XIAP: variants seen among roughly 807,000 people sequenced by gnomAD.
XIAP encodes the protein X-linked inhibitor of apoptosis, also known as E3 ubiquitin-protein ligase XIAP.
In XIAP, 3 loss-of-function variants were observed where a neutral mutation model predicts 33.1. The ratio of observed to expected loss-of-function variants is 0.09; its 90% CI spans 0.04 to 0.23. The LOEUF (loss-of-function observed/expected upper bound fraction) is 0.23, where lower values mean the gene tolerates loss of function less well. Ranked by LOEUF, XIAP falls within the 10% of genes least tolerant of loss-of-function variation. XIAP has a pLI of 1.00. For synonymous variants in XIAP, 98 were observed against 121.3 expected, an observed-to-expected ratio of 0.81 and a Z score of 1.26; for missense variants, 264 against 363.0, an observed-to-expected ratio of 0.73 and a Z score of 2.22.
At chrX:123,863,523 T>C (rs1220925639) in intron 1 of XIAP, among the ~76,000 whole-genome samples, 3 of 111,518 alleles carry the variant, frequency 2.7e-5, no homozygotes, top group African/African-American at 9.8e-5. Context: ...TTTGTTTTTG[T>C]TTTGAGATGG....
At chrX:123,891,360 TATA>T (rs771882571) in intron 4 of XIAP, 44 bp downstream of exon 4, 50 of 645,293 alleles carry the variant, frequency 7.7e-5, no homozygotes, top group Non-Finnish European at 1.0e-4. Context: ...CATTTCAAAT[TATA>T]ATTTATATTT....
rs967708017 is a variant in XIAP at position 123,909,326 on chromosome X, C to T, written c.*2145C>T. On this transcript the variant is annotated 3_prime_UTR_variant, in exon 7 of 7. Coordinates refer to ENST00000371199, the MANE Select transcript of XIAP (RefSeq NM_001167.4). Reference sequence around the variant, plus strand: ...GATTACAGGCTTGAGCCACCACGCCCGGCTAAAACATTGCAAATTTAAATG... The same window carrying T: ...GATTACAGGCTTGAGCCACCACGCCTGGCTAAAACATTGCAAATTTAAATG... The T allele has an allele frequency of 1.2e-5, 4 of 327,410 alleles. No homozygotes were observed. Among genetic ancestry groups the T allele is most frequent in the East Asian group, 1.9e-4 (2 of 10,286 alleles). 27.0% of individuals were successfully genotyped at this position (327,410 alleles called of 1,213,427 possible).
Position 123,908,178 on chromosome X carries a change from C to A in XIAP, c.*997C>A, listed in dbSNP as rs1295248172. On this transcript the variant is annotated 3_prime_UTR_variant, in exon 7 of 7. Transcript: ENST00000371199. ...GTTTTTCTAATCCAAGAAGGCAGGG[C>A]AGTTAACCTTTTTGGTGCCAATGTG... is the stretch of plus-strand genomic sequence containing the variant. 1 of 363,073 alleles carries A rather than the reference C, an allele frequency of 2.8e-6. No homozygotes were observed. The highest frequency in any genetic ancestry group is 5.2e-6 in the Non-Finnish European group (1 of 190,851). The allele number at this position is 363,073 out of a possible 1,213,427, so 29.9% of individuals were successfully genotyped here.
At chrX:123,905,359 C>T in intron 6 of XIAP, among the ~76,000 whole-genome samples, 1 of 111,864 alleles carries the variant, frequency 8.9e-6, no homozygotes, top group Non-Finnish European at 1.9e-5. Context: ...CTTGTTTATG[C>T]TGTTTCCTTT....
chrX:123,861,841 A>G (rs1443446901), intron 1 of XIAP, among the ~76,000 whole-genome samples: 1 of 111,608 alleles, frequency 9.0e-6, no homozygotes, highest in Non-Finnish European at 1.9e-5. Flanking sequence ...ATTATTGGAT[A>G]CTCATGTTTC....
chrX:123,879,691 A>G (rs2053279957), intron 1 of XIAP, among the ~76,000 whole-genome samples: 1 of 111,651 alleles, frequency 9.0e-6, no homozygotes, highest in Non-Finnish European at 1.9e-5. Context: ...CGTCACCTTA[A>G]CATTTTCTCG....
intron 5 of XIAP, among the ~76,000 whole-genome samples, chrX:123,894,607 A>G (rs1282949261): frequency 9.0e-6 from 1 of 110,733 alleles, no homozygotes; most frequent in Non-Finnish European, 1.9e-5. Flanking sequence ...CGTCTCTACT[A>G]AAAATACAAA....
chrX:123,897,676 C>G (rs774490112), intron 5 of XIAP, among the ~76,000 whole-genome samples: 1 of 111,567 alleles, frequency 9.0e-6, no homozygotes, highest in East Asian at 2.8e-4. Flanking sequence ...GATTCTCCTG[C>G]ATCAGCCTCC....
intron 1 of XIAP, among the ~76,000 whole-genome samples, chrX:123,870,635 A>T (rs969829104): frequency 1.5e-4 from 17 of 111,363 alleles, no homozygotes; most frequent in African/African-American, 5.2e-4. Flanking sequence ...AAAAAAATTT[A>T]AAAATTAGCT....
chrX:123,861,611 A>G (rs1459351017), intron 1 of XIAP, among the ~76,000 whole-genome samples: 1 of 112,167 alleles, frequency 8.9e-6, no homozygotes, highest in Non-Finnish European at 1.9e-5. Context: ...ACTTCACATG[A>G]TCTAATGTAC....
chrX:123,888,604 T>C lies in XIAP; in HGVS notation c.878-15T>C, dbSNP rs752479639. The C allele has an allele frequency of 1.8e-5, 22 of 1,193,360 alleles. No individual in the cohort carries two copies. The highest frequency in any genetic ancestry group is 2.5e-5 in the Non-Finnish European group (22 of 878,940). On this transcript the variant is annotated splice_polypyrimidine_tract_variant and intron_variant, in intron 2 of 6. Transcript: ENST00000371199. ...CTAATTGCACAAATACATATATTCCTGTGTGTTTTCGTAGGTGAAGGTGAT... is the reference window on the plus strand; with the variant it reads ...CTAATTGCACAAATACATATATTCCCGTGTGTTTTCGTAGGTGAAGGTGAT...
chrX:123,912,239 T>TA lies in XIAP; in HGVS notation c.*5070dup, dbSNP rs751242607. On this transcript the variant is annotated 3_prime_UTR_variant, in exon 7 of 7. Coordinates refer to ENST00000371199, the MANE Select transcript of XIAP (RefSeq NM_001167.4). ...GAGAAAAAAAAAAAAGACCACACAATAAAAAAAAAAAATACAAAATAATAC... is the reference window on the plus strand; with the variant it reads ...GAGAAAAAAAAAAAAGACCACACAATAAAAAAAAAAAAATACAAAATAATAC... 3,726 of 177,051 alleles carry TA rather than the reference T, an allele frequency of 0.021. 9 individuals are homozygous for TA. The highest frequency in any genetic ancestry group is 0.051 in the African/African-American group (920 of 17,999). The allele number at this position is 177,051 out of a possible 1,213,427, so 14.6% of individuals were successfully genotyped here. A position where few individuals can be genotyped will look rare whatever the true frequency, so the allele number is the denominator to read the frequency against.
Position 123,912,063 on chromosome X carries a change from T to TAA in XIAP, c.*4883_*4884insAA. 3.0e-6 allele frequency: 1 copy of TAA among 329,049 alleles called. No individual in the cohort carries two copies. Among genetic ancestry groups the TAA allele is most frequent in the Non-Finnish European group, 5.9e-6 (1 of 169,976 alleles). 27.1% of individuals were successfully genotyped at this position (329,049 alleles called of 1,213,427 possible). On this transcript the variant is annotated 3_prime_UTR_variant, in exon 7 of 7. Transcript: ENST00000371199. ...AGGTCCAAATGTTTATGTTTTCAAC[T>TAA]ACTCTTTCCACTGTACCATAACTTT... is the stretch of plus-strand genomic sequence containing the variant.
rs755919911 is a variant in XIAP, at chrX:123,888,656, A to T, written c.915A>T (p.Gly305=). 33 of 1,210,265 alleles carry T rather than the reference A, an allele frequency of 2.7e-5. No homozygotes were observed. The Admixed American group carries it at 3.1e-4, about 11-fold the overall frequency. ...AAGTAAAGTGCTTTCACTGTGGAGG[A>T]GGGCTAACTGATTGGAAGCCCAGTG... ...GDKVKCFHCG[G]GLTDWKPSED... Residue 305 remains glycine (G), a synonymous_variant, in exon 3 of 7, where the codon GGA becomes GGT. Coordinates refer to ENST00000371199, the MANE Select transcript of XIAP (RefSeq NM_001167.4).
intron 1 of XIAP, among the ~76,000 whole-genome samples, chrX:123,862,291 A>T (rs1194500645): frequency 1.9e-5 from 2 of 106,846 alleles, no homozygotes; most frequent in African/African-American, 6.8e-5. Flanking sequence ...CTGATCTCGA[A>T]CTCCTGACCT....
chrX:123,890,042 A>T, intron 3 of XIAP, among the ~76,000 whole-genome samples: 1 of 54,436 alleles, frequency 1.8e-5, no homozygotes, highest in Non-Finnish European at 3.0e-5. Context: ...TTTGAGACGG[A>T]GTCTCGCTCT....
rs759376056 is a variant in XIAP at position 123,876,679 on chromosome X, C to G, written c.-32-8952C>G. Among the ~76,000 whole-genome samples the G allele has an allele frequency of 3.0e-3, 331 of 109,773 alleles. 1 individual carries two copies. Among genetic ancestry groups the G allele is most frequent in the Non-Finnish European group, 4.9e-3 (261 of 52,833 alleles). ...ATGATCACACTACTGCACTCCAACT[C>G]GGGCAACAGAGCAAGGCCTTGTCTT... On this transcript the variant is annotated intron_variant, in intron 1 of 6. Transcript: ENST00000371199.
intron 5 of XIAP, among the ~76,000 whole-genome samples, chrX:123,899,695 C>T (rs1191838843): frequency 9.4e-6 from 1 of 106,480 alleles, no homozygotes; most frequent in East Asian, 3.0e-4. Flanking sequence ...CTATGAGATC[C>T]ATCCATATTG....
At chrX:123,875,708 C>T (rs1220122118) in intron 1 of XIAP, among the ~76,000 whole-genome samples, 1 of 106,381 alleles carries the variant, frequency 9.4e-6, no homozygotes. Context: ...TTTTTTGAGA[C>T]GGAGTCTCGC....
Sources: gnomAD v4.1 joint callset for allele counts (sites outside exome capture counted in the v4.1 genomes callset) on GRCh38, gnomAD v4.1.1 for gene constraint, MANE v1.5 for transcripts, NCBI Gene and HGNC (gene_info 2026-07-23, HGNC 2026-07-21) for gene names.